NLGN1: variants seen among roughly 807,000 people sequenced by gnomAD.
NLGN1 encodes neuroligin-1.
In NLGN1, 12 loss-of-function variants were observed where a neutral mutation model predicts 65.5. The ratio of observed to expected loss-of-function variants is 0.18; its 90% CI spans 0.12 to 0.30. The LOEUF (loss-of-function observed/expected upper bound fraction) is 0.30, where lower values mean the gene tolerates loss of function less well. Among genes scored for constraint, NLGN1 ranks in the 10% least tolerant of loss-of-function variants. The pLI, the probability that NLGN1 is intolerant of heterozygous loss-of-function variation, is 1.00. For missense variants in NLGN1, 750 were observed against 1,007.1 expected (o/e 0.74, Z 3.46); for synonymous variants, 350 against 359.5 (o/e 0.97, Z 0.30).
At chr3:173,439,731 G>A (rs745335166) in intron 2 of NLGN1, among the ~76,000 whole-genome samples, 1 of 151,842 alleles carries the variant, frequency 6.6e-6, no homozygotes, top group African/African-American at 2.4e-5. Flanking sequence ...AGCAAAATAC[G>A]TATCTTAATT....
intron 4 of NLGN1, among the ~76,000 whole-genome samples, chr3:173,966,476 A>G (rs911640758): frequency 1.3e-5 from 2 of 152,252 alleles, no homozygotes; most frequent in African/African-American, 4.8e-5. Flanking sequence ...CTAAGAAAGT[A>G]CATGAATTAT....
intron 2 of NLGN1, among the ~76,000 whole-genome samples, chr3:173,597,792 A>T (rs1321745635): frequency 1.2e-5 from 1 of 83,896 alleles, no homozygotes; most frequent in African/African-American, 3.2e-5. Context: ...ACAGTATTTT[A>T]AAATGTCTTA....
chr3:174,186,872 T>C (rs865925693), intron 4 of NLGN1, among the ~76,000 whole-genome samples: 6 of 152,038 alleles, frequency 3.9e-5, no homozygotes, highest in Middle Eastern at 3.4e-3. Context: ...GTATAATAGA[T>C]AAAAAGTAGC....
At chr3:174,140,620 G>C (rs1722108958) in intron 4 of NLGN1, among the ~76,000 whole-genome samples, 1 of 152,068 alleles carries the variant, frequency 6.6e-6, no homozygotes. Context: ...ATATGGTTCA[G>C]CAATGGGCTT....
intron 4 of NLGN1, among the ~76,000 whole-genome samples, chr3:174,155,893 A>G (rs958371206): frequency 3.9e-5 from 6 of 151,978 alleles, no homozygotes; most frequent in South Asian, 4.1e-4. Flanking sequence ...GAGCAAGGAC[A>G]TAAAGTTATT....
chr3:174,209,623 CTTTTTTTTTTT>C (rs796169913), intron 4 of NLGN1, among the ~76,000 whole-genome samples: 1,003 of 82,094 alleles, frequency 0.012, 23 homozygotes, highest in African/African-American at 0.047. Flanking sequence ...ACCTTTCTTT[CTTTTTTTTTTT>C]TTTTTTTTTT....
chr3:174,000,091 G>A (rs1225665352), intron 4 of NLGN1, among the ~76,000 whole-genome samples: 2 of 151,810 alleles, frequency 1.3e-5, no homozygotes, highest in African/African-American at 4.8e-5. Flanking sequence ...ACATATTATT[G>A]TACCAATCTT....
intron 2 of NLGN1, among the ~76,000 whole-genome samples, chr3:173,499,554 A>G (rs1730656401): frequency 1.3e-5 from 2 of 151,762 alleles, no homozygotes; most frequent in African/African-American, 2.4e-5. Flanking sequence ...TTTTGGTTCC[A>G]TATGAAGTTT....
intron 4 of NLGN1, among the ~76,000 whole-genome samples, chr3:174,251,776 G>A (rs1047653490): frequency 2.0e-5 from 3 of 152,068 alleles, no homozygotes; most frequent in Non-Finnish European, 2.9e-5. Flanking sequence ...CATAAAAGTT[G>A]GAGACTAGTT....
At chr3:173,807,731 G>A (rs1300714986) in exon 4 of NLGN1, 18 of 1,613,730 alleles carry the variant, frequency 1.1e-5, no homozygotes, top group Non-Finnish European at 1.5e-5. Context: ...ATCCATGGTG[G>A]CTCATATATG....
chr3:174,183,118 C>A (rs1160966085), intron 4 of NLGN1, among the ~76,000 whole-genome samples: 1 of 152,006 alleles, frequency 6.6e-6, no homozygotes, highest in African/African-American at 2.4e-5. Flanking sequence ...CTCTTTCTTA[C>A]CTCTGCTTGT....
intron 4 of NLGN1, among the ~76,000 whole-genome samples, chr3:174,119,189 A>G (rs1412782254): frequency 6.6e-6 from 1 of 152,170 alleles, no homozygotes; most frequent in Non-Finnish European, 1.5e-5. Flanking sequence ...ACATCATCCC[A>G]TGATTCATCC....
chr3:173,927,347 C>T (rs983277719), intron 4 of NLGN1, among the ~76,000 whole-genome samples: 5 of 152,272 alleles, frequency 3.3e-5, no homozygotes, highest in African/African-American at 7.2e-5. Flanking sequence ...AGGCATGAGC[C>T]GCCATGCCCA....
chr3:173,548,868 T>C (rs111685829), intron 2 of NLGN1, among the ~76,000 whole-genome samples: 1 of 152,004 alleles, frequency 6.6e-6, no homozygotes, highest in Non-Finnish European at 1.5e-5. Flanking sequence ...CTCTGACATA[T>C]TCTAGTATTT....
the NLGN1 span, among the ~76,000 whole-genome samples, chr3:174,292,688 C>G: frequency 5.0e-4 from 76 of 151,512 alleles, no homozygotes; most frequent in African/African-American, 1.7e-3. Flanking sequence ...GTTATTTCAG[C>G]TAATAAAAGA....
intron 4 of NLGN1, among the ~76,000 whole-genome samples, chr3:174,062,074 C>CT (rs1361035597): frequency 3.9e-5 from 6 of 151,966 alleles, no homozygotes; most frequent in Non-Finnish European, 8.8e-5. Flanking sequence ...TGTAAGAAAG[C>CT]TTTTTCTGTA....
chr3:173,948,187 T>G (rs1456129193), intron 4 of NLGN1, among the ~76,000 whole-genome samples: 1 of 152,216 alleles, frequency 6.6e-6, no homozygotes, highest in Non-Finnish European at 1.5e-5. Context: ...TGGCACTGGG[T>G]ATGTTAGTTA....
At chr3:173,999,186 A>G (rs2152424588) in intron 4 of NLGN1, among the ~76,000 whole-genome samples, 1 of 152,302 alleles carries the variant, frequency 6.6e-6, no homozygotes, top group South Asian at 2.1e-4. Flanking sequence ...TAGAGCTACA[A>G]TTGAATAAAA....
downstream of NLGN1, among the ~76,000 whole-genome samples, chr3:174,291,620 G>A (rs983769838): frequency 4.6e-5 from 7 of 151,220 alleles, no homozygotes; most frequent in African/African-American, 1.7e-4. Flanking sequence ...ACGTTAGAAT[G>A]TAAGCAAGTT....
Sources: allele counts gnomAD v4.1 joint callset (sites outside exome capture counted in the v4.1 genomes callset), GRCh38; gene constraint gnomAD v4.1.1; transcripts MANE v1.5; gene names NCBI Gene and HGNC (gene_info 2026-07-23, HGNC 2026-07-21).